The following MICAL2 variants were observed in gnomAD, a reference collection of about 807,000 sequenced individuals.
The protein encoded by MICAL2 is [F-actin]-monooxygenase MICAL2.
In MICAL2, 77 loss-of-function variants were observed where a neutral mutation model predicts 127.3. The observed-to-expected ratio is 0.60, with a 90% CI of 0.50 to 0.73. The LOEUF (loss-of-function observed/expected upper bound fraction) is 0.73, where lower values mean the gene tolerates loss of function less well. Among genes scored for constraint, MICAL2 ranks in the 30% least tolerant of loss-of-function variants. MICAL2 has a pLI of 0.00. For missense variants in MICAL2, 1,351 were observed against 1,434.4 expected, an observed-to-expected ratio of 0.94 and a Z score of 0.94; for synonymous variants, 570 against 551.1, an observed-to-expected ratio of 1.03 and a Z score of -0.48.
chr11:12,202,706 C>G (rs1225604201), intron 3 of MICAL2, among the ~76,000 whole-genome samples: 1 of 152,178 alleles, frequency 6.6e-6, no homozygotes, highest in Non-Finnish European at 1.5e-5. Flanking sequence ...TCCTAGAAGA[C>G]AGGGCCTAGG....
chr11:12,222,573 G>T (rs772030720), intron 10 of MICAL2, 44 bp from the exon 11 acceptor site: 8 of 1,613,354 alleles, frequency 5.0e-6, no homozygotes, highest in Non-Finnish European at 6.8e-6. Context: ...AAGGCCTGAG[G>T]TGGCAAAAGT....
chr11:12,341,444 C>CA (rs201234311), intron 32 of MICAL2, among the ~76,000 whole-genome samples: 2,065 of 126,992 alleles, frequency 0.016, 42 homozygotes, highest in African/African-American at 0.055. Flanking sequence ...GCATTACCTA[C>CA]AAAAAAAAAG....
intron 32 of MICAL2, among the ~76,000 whole-genome samples, chr11:12,342,643 A>G (rs943208097): frequency 1.3e-5 from 2 of 152,230 alleles, no homozygotes; most frequent in African/African-American, 4.8e-5. Context: ...CTATGTGCCA[A>G]GCACAATGCT....
At chr11:12,293,865 A>G, downstream of MICAL2, 3 of 1,609,514 alleles carry the variant, frequency 1.9e-6, no homozygotes, top group Non-Finnish European at 2.5e-6. Flanking sequence ...ACAGGGCAAG[A>G]GCTATCTCCC....
intron 16 of MICAL2, among the ~76,000 whole-genome samples, chr11:12,236,733 C>G (rs144339654): frequency 6.6e-6 from 1 of 152,212 alleles, no homozygotes. Flanking sequence ...TTACAGGTTA[C>G]TTTGTCAAAG....
chr11:12,280,792 G>A (rs1036499628), intron 1 of MICAL2: 14 of 396,910 alleles, frequency 3.5e-5, no homozygotes, highest in African/African-American at 8.2e-5. Context: ...AACAAAGTCC[G>A]AAGCTGGGCT....
chr11:12,123,210 C>A (rs1850651590), intron 1 of MICAL2, among the ~76,000 whole-genome samples: 1 of 152,080 alleles, frequency 6.6e-6, no homozygotes, highest in African/African-American at 2.4e-5. Context: ...TTTAGACATA[C>A]TTTTTTTATT....
intron 31 of MICAL2, among the ~76,000 whole-genome samples, chr11:12,325,876 T>G (rs1373906949): frequency 2.0e-5 from 3 of 152,256 alleles, no homozygotes; most frequent in African/African-American, 7.2e-5. Flanking sequence ...TAAAGCCATT[T>G]AGGTGCTTCC....
At chr11:12,298,197 T>C (rs897505055) in intron 29 of MICAL2, among the ~76,000 whole-genome samples, 2 of 152,034 alleles carry the variant, frequency 1.3e-5, no homozygotes, top group African/African-American at 2.4e-5. Context: ...TTTTACACTT[T>C]ACAGCACATA....
chr11:12,145,820 T>G (rs540700438), intron 2 of MICAL2, among the ~76,000 whole-genome samples: 1 of 152,110 alleles, frequency 6.6e-6, no homozygotes, highest in Non-Finnish European at 1.5e-5. Flanking sequence ...GCCAGTTGGG[T>G]GGACGGCCCA....
intron 3 of MICAL2, among the ~76,000 whole-genome samples, chr11:12,196,455 A>G (rs1485049033): frequency 1.3e-5 from 2 of 152,142 alleles, no homozygotes; most frequent in African/African-American, 2.4e-5. Context: ...AAAGTCATGG[A>G]AGTAGATGGT....
intron 12 of MICAL2, among the ~76,000 whole-genome samples, chr11:12,224,171 C>G (rs1857141816): frequency 1.3e-5 from 2 of 152,230 alleles, no homozygotes; most frequent in Non-Finnish European, 2.9e-5. Context: ...TTAGCCACCA[C>G]ACAGTCCTTT....
downstream of MICAL2, chr11:12,292,169 A>G: frequency 3.7e-6 from 6 of 1,614,044 alleles, no homozygotes; most frequent in South Asian, 4.4e-5. Flanking sequence ...CAAAAGAACT[A>G]TGTCACCTCC....
At chr11:12,153,030 T>TG (rs1475335582) in intron 2 of MICAL2, among the ~76,000 whole-genome samples, 9 of 152,216 alleles carry the variant, frequency 5.9e-5, no homozygotes, top group African/African-American at 1.9e-4. Flanking sequence ...TTTAACCTTT[T>TG]TTTTGTTTGT....
At chr11:12,153,019 T>C (rs12270057) in intron 2 of MICAL2, among the ~76,000 whole-genome samples, 29,315 of 151,812 alleles carry the variant, frequency 0.19, 3,720 homozygotes, top group Admixed American at 0.37. Flanking sequence ...CAATTTATCA[T>C]TTTAACCTTT....
chr11:12,129,636 C>CTTTTTTTTTTTTTT (rs559528778), intron 1 of MICAL2, among the ~76,000 whole-genome samples: 2 of 97,428 alleles, frequency 2.1e-5, no homozygotes, highest in African/African-American at 9.2e-5. Context: ...TCTTCTTCTT[C>CTTTTTTTTTTTTTT]TTTTTTTTTT....
chr11:12,350,516 C>G (rs1196760452), intron 33 of MICAL2, among the ~76,000 whole-genome samples: 1 of 152,094 alleles, frequency 6.6e-6, no homozygotes, highest in Non-Finnish European at 1.5e-5. Flanking sequence ...ATTGAAGTGC[C>G]ATAAGTTGTG....
At chr11:12,130,841 T>C (rs1330698753) in intron 1 of MICAL2, among the ~76,000 whole-genome samples, 1 of 152,188 alleles carries the variant, frequency 6.6e-6, no homozygotes, top group African/African-American at 2.4e-5. Context: ...AGACTGGGAA[T>C]TGGCAAACAC....
intron 24 of MICAL2, among the ~76,000 whole-genome samples, chr11:12,271,077 A>T (rs1863669796): frequency 6.6e-6 from 1 of 152,150 alleles, no homozygotes; most frequent in African/African-American, 2.4e-5. Flanking sequence ...GCTCATAGGT[A>T]GGCCTTGGAC....
Sources: gnomAD v4.1 joint callset for allele counts (sites outside exome capture counted in the v4.1 genomes callset) on GRCh38, gnomAD v4.1.1 for gene constraint, MANE v1.5 for transcripts, NCBI Gene and HGNC (gene_info 2026-07-23, HGNC 2026-07-21) for gene names.